DMD: variants seen among roughly 807,000 people sequenced by gnomAD.
The protein encoded by DMD is dystrophin, also known as mutant dystrophin.
DMD carries 63 observed loss-of-function variants against 330.1 expected under a neutral mutation model. The observed-to-expected ratio is 0.19, with a 90% CI of 0.16 to 0.24. The LOEUF (loss-of-function observed/expected upper bound fraction) is 0.24, where lower values mean the gene tolerates loss of function less well. Ranked by LOEUF, DMD falls within the 10% of genes least tolerant of loss-of-function variation. DMD has a pLI of 1.00. For synonymous variants in DMD, 1,223 were observed against 959.8 expected (o/e 1.27, Z -5.07); for missense variants, 3,344 against 2,684.1 (o/e 1.25, Z -5.43).
intron 44 of DMD, among the ~76,000 whole-genome samples, chrX:32,026,220 C>G (rs1297147897): frequency 2.7e-5 from 3 of 112,201 alleles, no homozygotes; most frequent in Non-Finnish European, 5.6e-5. Context: ...ATCTCCATTT[C>G]ATCAACTGAG....
chrX:31,840,946 A>G (rs998315723), intron 48 of DMD, among the ~76,000 whole-genome samples: 1 of 111,149 alleles, frequency 9.0e-6, no homozygotes, highest in African/African-American at 3.3e-5. Context: ...TAAATGTTCA[A>G]GGGAAAACAA....
At chrX:31,213,653 G>A (rs1017400314) in intron 64 of DMD, among the ~76,000 whole-genome samples, 16 of 111,662 alleles carry the variant, frequency 1.4e-4, no homozygotes, top group Non-Finnish European at 3.0e-4. Context: ...AATGTTGTGG[G>A]TATATTGCAT....
chrX:32,765,956 C>T (rs1395931134), intron 7 of DMD, among the ~76,000 whole-genome samples: 1 of 111,447 alleles, frequency 9.0e-6, no homozygotes, highest in Non-Finnish European at 1.9e-5. Flanking sequence ...TTTGTGGCTT[C>T]ATTAAAAAAT....
chrX:32,825,804 G>T (rs2078645850), intron 4 of DMD, among the ~76,000 whole-genome samples: 1 of 111,379 alleles, frequency 9.0e-6, no homozygotes, highest in Admixed American at 9.6e-5. Flanking sequence ...CTTATATGAG[G>T]TACCTAAAAT....
intron 60 of DMD, among the ~76,000 whole-genome samples, chrX:31,389,923 T>A (rs1187501356): frequency 8.9e-6 from 1 of 112,083 alleles, no homozygotes; most frequent in Non-Finnish European, 1.9e-5. Context: ...AAACATGTGC[T>A]TGAGTGCCAT....
chrX:32,443,180 A>G (rs1338512999), intron 27 of DMD, among the ~76,000 whole-genome samples: 1 of 110,841 alleles, frequency 9.0e-6, no homozygotes, highest in Non-Finnish European at 1.9e-5. Context: ...CCAAAATTAA[A>G]GGCTTGAAAG....
chrX:32,333,222 A>C (rs1301423754), intron 41 of DMD, among the ~76,000 whole-genome samples: 6 of 111,687 alleles, frequency 5.4e-5, no homozygotes, highest in Middle Eastern at 4.7e-3. Flanking sequence ...TTGCAGCTTA[A>C]ATCTTCCATC....
chrX:32,001,114 G>A (rs2150359637), intron 44 of DMD, among the ~76,000 whole-genome samples: 1 of 111,452 alleles, frequency 9.0e-6, no homozygotes, highest in East Asian at 2.8e-4. Context: ...GGGTGGGGCA[G>A]GAGACTGACT....
At chrX:32,759,285 C>T (rs1175244757) in intron 7 of DMD, among the ~76,000 whole-genome samples, 2 of 111,897 alleles carry the variant, frequency 1.8e-5, no homozygotes, top group Admixed American at 9.5e-5. Context: ...TCCTCTGGCA[C>T]AATACTAAAC....
intron 44 of DMD, among the ~76,000 whole-genome samples, chrX:31,988,473 C>CAAAA (rs11352664): frequency 8.3e-5 from 2 of 24,147 alleles, no homozygotes; most frequent in Non-Finnish European, 1.4e-4. Flanking sequence ...GACTCCATCT[C>CAAAA]AAAAAAAAAA....
chrX:32,294,127 T>C (rs970092485), intron 42 of DMD, among the ~76,000 whole-genome samples: 3 of 111,790 alleles, frequency 2.7e-5, no homozygotes, highest in South Asian at 7.5e-4. Context: ...GATTCAACTC[T>C]GAATTCTTTT....
chrX:31,959,070 T>G lies in DMD; in HGVS notation c.6614+9269A>C, dbSNP rs778401849. ...CATCCCATCTACTTAACGACTAAAT[T>G]GTTCCACTTTCATCAAGTATTTCTT... On this transcript the variant is annotated intron_variant, in intron 45 of 78. Transcript: ENST00000357033. Among the ~76,000 whole-genome samples the G allele has an allele frequency of 5.4e-5, 6 of 111,566 alleles. No individual in the cohort carries two copies. The South Asian group carries it at 2.3e-3, about 42-fold the overall frequency.
At chrX:32,450,692 GT>G (rs2098326462) in intron 26 of DMD, among the ~76,000 whole-genome samples, 1 of 110,582 alleles carries the variant, frequency 9.0e-6, no homozygotes, top group Middle Eastern at 4.2e-3. Context: ...CTTTCTCATA[GT>G]TTCTGTTAAG....
chrX:31,964,683 C>CA (rs1371895792), intron 45 of DMD, among the ~76,000 whole-genome samples: 1 of 108,414 alleles, frequency 9.2e-6, no homozygotes, highest in African/African-American at 3.4e-5. Context: ...AGAAAAAAAG[C>CA]ATATATGGCA....
At chrX:32,888,334 C>T (rs755539781) in intron 2 of DMD, among the ~76,000 whole-genome samples, 5 of 109,913 alleles carry the variant, frequency 4.5e-5, no homozygotes, top group Middle Eastern at 4.2e-3. Context: ...CCACAGGCTC[C>T]GGTCTGTCAT....
At position 31,908,544 on chromosome X, in the gene DMD, A is replaced by G. The variant is rs1424238153; in HGVS notation, c.6912+21052T>C. On this transcript the variant is annotated intron_variant, in intron 47 of 78. Coordinates refer to ENST00000357033, the MANE Select transcript of DMD (RefSeq NM_004006.3). Reference sequence around the variant, plus strand: ...GAAAACACTTGGACACAGCGCAGGCAACATCACACACTGGGGCCTGTCGTG... The same window carrying G: ...GAAAACACTTGGACACAGCGCAGGCGACATCACACACTGGGGCCTGTCGTG... Among the ~76,000 whole-genome samples, 8 of 106,251 alleles carry G rather than the reference A, an allele frequency of 7.5e-5. 1 individual carries two copies. The highest frequency in any genetic ancestry group is 2.8e-4 in the African/African-American group (8 of 28,979). The allele number at this position is 106,251 out of a possible 115,157, so 92.3% of individuals were successfully genotyped here.
intron 17 of DMD, among the ~76,000 whole-genome samples, chrX:32,535,642 C>G (rs923454276): frequency 9.0e-6 from 1 of 111,504 alleles, no homozygotes; most frequent in Admixed American, 9.5e-5. Flanking sequence ...CCTTACGTTA[C>G]TAGTGCTTTG....
At chrX:32,575,694 GA>G (rs1484727381) in intron 13 of DMD, among the ~76,000 whole-genome samples, 1 of 111,801 alleles carries the variant, frequency 8.9e-6, no homozygotes, top group African/African-American at 3.3e-5. Flanking sequence ...AGTTGTGGGA[GA>G]AAAAAGCTTC....
intron 7 of DMD, among the ~76,000 whole-genome samples, chrX:32,739,848 C>T (rs1395797502): frequency 3.6e-5 from 4 of 110,471 alleles, no homozygotes; most frequent in Non-Finnish European, 5.7e-5. Flanking sequence ...TCTAGACCTA[C>T]AGGATGAGAA....
Sources: allele counts gnomAD v4.1 joint callset (sites outside exome capture counted in the v4.1 genomes callset), GRCh38; gene constraint gnomAD v4.1.1; transcripts MANE v1.5; gene names NCBI Gene and HGNC (gene_info 2026-07-23, HGNC 2026-07-21).